TANC2: variants seen among roughly 807,000 people sequenced by gnomAD.
TANC2 encodes protein TANC2.
A neutral mutation model predicts 210.5 loss-of-function variants in TANC2; 26 were observed. The observed-to-expected ratio is 0.12, with a 90% CI of 0.09 to 0.17. TANC2 has a LOEUF of 0.17. TANC2 is among the 10% of genes least tolerant of loss of function. The probability of loss-of-function intolerance (pLI) is 1.00; values close to 1 mark genes in which losing one functional copy is unlikely to be tolerated. For synonymous variants in TANC2, 931 were observed against 967.1 expected (o/e 0.96, Z 0.69); for missense variants, 2,129 against 2,608.9 (o/e 0.82, Z 4.01).
intron 5 of TANC2, among the ~76,000 whole-genome samples, chr17:63,186,626 G>T (rs895784265): frequency 6.6e-6 from 1 of 152,022 alleles, no homozygotes; most frequent in African/African-American, 2.4e-5. Flanking sequence ...AAAGTGCTGG[G>T]ATTACAGGCG....
chr17:63,172,214 G>C (rs2040428090), intron 5 of TANC2, among the ~76,000 whole-genome samples: 1 of 139,236 alleles, frequency 7.2e-6, no homozygotes. Context: ...TTTTTTAGAT[G>C]GAGTTTCACT....
chr17:63,102,545 A>G (rs2037666799), intron 4 of TANC2, among the ~76,000 whole-genome samples: 1 of 151,886 alleles, frequency 6.6e-6, no homozygotes, highest in South Asian at 2.1e-4. Flanking sequence ...ATATGTATAC[A>G]TGCGCCATGT....
chr17:63,395,809 G>A (rs779813561), exon 18 of TANC2: 1 of 1,613,506 alleles, frequency 6.2e-7, no homozygotes, highest in Non-Finnish European at 8.5e-7. Flanking sequence ...TCATCTGGAG[G>A]TTGTCAAGTT....
intron 14 of TANC2, among the ~76,000 whole-genome samples, chr17:63,361,930 G>C (rs960694779): frequency 3.9e-5 from 6 of 152,254 alleles, no homozygotes; most frequent in Non-Finnish European, 7.3e-5. Flanking sequence ...GACCTGGATT[G>C]AGTAGCTCCT....
chr17:63,242,858 C>G (rs1274162796), intron 8 of TANC2, among the ~76,000 whole-genome samples: 1 of 152,030 alleles, frequency 6.6e-6, no homozygotes, highest in African/African-American at 2.4e-5. Context: ...AATAATTATT[C>G]TATTTGAAAG....
In TANC2 at chr17:63,031,811, A is replaced by T. The variant is rs2034780221; in HGVS notation, c.67+22185A>T. Among the ~76,000 whole-genome samples the T allele has an allele frequency of 2.0e-5, 3 of 152,196 alleles. No individual in the cohort carries two copies. The South Asian group carries it at 6.2e-4, about 31-fold the overall frequency. On this transcript the variant is annotated intron_variant, in intron 2 of 27. Transcript: ENST00000689528. Reference sequence around the variant, plus strand: ...AGTATTACTAAAATATAGTATGAGAAGTATTGTGATGAACCTTCTACATGG... The same window carrying T: ...AGTATTACTAAAATATAGTATGAGATGTATTGTGATGAACCTTCTACATGG...
chr17:63,095,623 G>T (rs1391602771), intron 3 of TANC2, among the ~76,000 whole-genome samples: 1 of 152,062 alleles, frequency 6.6e-6, no homozygotes, highest in Admixed American at 6.6e-5. Flanking sequence ...CCTGACCATA[G>T]TACTGGTATC....
chr17:63,025,903 C>A (rs1201316190), intron 2 of TANC2, among the ~76,000 whole-genome samples: 4 of 151,908 alleles, frequency 2.6e-5, no homozygotes, highest in African/African-American at 9.7e-5. Context: ...CTATGTCCTT[C>A]CATGATTCTG....
chr17:63,351,366 A>G, exon 13 of TANC2: 1 of 1,610,356 alleles, frequency 6.2e-7, no homozygotes, highest in Non-Finnish European at 8.5e-7. Context: ...AATGATCGGA[A>G]AGTTTCCTTC....
chr17:63,218,025 C>T (rs925748759), intron 7 of TANC2, among the ~76,000 whole-genome samples: 5 of 151,762 alleles, frequency 3.3e-5, no homozygotes, highest in Admixed American at 6.6e-5. Context: ...TGGCTCACGC[C>T]GTAATACCAG....
chr17:63,373,480 TGAACTAGATTTCAGTG>T (rs2047332050), intron 14 of TANC2, among the ~76,000 whole-genome samples: 1 of 152,200 alleles, frequency 6.6e-6, no homozygotes, highest in South Asian at 2.1e-4. Context: ...GTGTGGTAAT[TGAACTAGATTTCAGTG>T]GAACTAGGTT....
chr17:63,174,441 G>A (rs1056323946), intron 5 of TANC2, among the ~76,000 whole-genome samples: 2 of 152,186 alleles, frequency 1.3e-5, no homozygotes, highest in African/African-American at 2.4e-5. Context: ...ATTAAAGAAA[G>A]TTTCTGTATA....
chr17:62,971,764 G>A lies in TANC2; in HGVS notation c.-24+5015G>A, dbSNP rs376275633. Among the ~76,000 whole-genome samples the A allele has an allele frequency of 4.1e-4, 62 of 152,306 alleles. 1 individual carries two copies. The East Asian group carries it at 6.6e-3, about 16-fold the overall frequency. On this transcript the variant is annotated intron_variant, in intron 1 of 27. Coordinates refer to ENST00000689528, the Ensembl canonical transcript of TANC2. ...GTGAGCACCTCCTCCTGTCAGATCA[G>A]CAGCTTCATTAGATTCTCATAGGAG...
chr17:63,373,304 CA>C (rs1188918493), intron 14 of TANC2, among the ~76,000 whole-genome samples: 1 of 152,136 alleles, frequency 6.6e-6, no homozygotes, highest in Non-Finnish European at 1.5e-5. Context: ...TACTCTTTCT[CA>C]AAATGCCAAT....
At chr17:63,401,441 C>G (rs924301330) in intron 19 of TANC2, among the ~76,000 whole-genome samples, 3 of 152,138 alleles carry the variant, frequency 2.0e-5, no homozygotes, top group Non-Finnish European at 2.9e-5. Flanking sequence ...TGACACAATT[C>G]TTTATTATCA....
intron 4 of TANC2, among the ~76,000 whole-genome samples, chr17:63,121,824 G>A (rs1206301510): frequency 2.0e-5 from 3 of 152,074 alleles, no homozygotes; most frequent in Non-Finnish European, 4.4e-5. Flanking sequence ...TTAGCTGGGT[G>A]TGGTGGCATA....
intron 9 of TANC2, among the ~76,000 whole-genome samples, chr17:63,279,753 A>G (rs1189910534): frequency 1.3e-5 from 2 of 152,166 alleles, no homozygotes; most frequent in African/African-American, 4.8e-5. Context: ...AGTGTTTTCA[A>G]AAATAAACTG....
intron 5 of TANC2, among the ~76,000 whole-genome samples, chr17:63,161,394 C>A (rs531423374): frequency 3.9e-4 from 60 of 152,148 alleles, no homozygotes; most frequent in Non-Finnish European, 7.1e-4. Flanking sequence ...TCCATATACT[C>A]TGAACAGCTT....
At chr17:63,119,533 A>G (rs2038381577) in intron 4 of TANC2, among the ~76,000 whole-genome samples, 1 of 152,266 alleles carries the variant, frequency 6.6e-6, no homozygotes, top group Non-Finnish European at 1.5e-5. Context: ...TCTATAACGG[A>G]TCAAATAAAT....
Sources: gnomAD v4.1 joint callset for allele counts (sites outside exome capture counted in the v4.1 genomes callset) on GRCh38, gnomAD v4.1.1 for gene constraint, MANE v1.5 for transcripts, NCBI Gene and HGNC (gene_info 2026-07-23, HGNC 2026-07-21) for gene names.